IGF1R: variants seen among roughly 807,000 people sequenced by gnomAD.
IGF1R encodes the protein insulin like growth factor 1 receptor.
A neutral mutation model predicts 144.6 loss-of-function variants in IGF1R; 44 were observed. The ratio of observed to expected loss-of-function variants is 0.30; its 90% confidence interval spans 0.24 to 0.39. IGF1R has a LOEUF of 0.39. IGF1R is among the 10% of genes least tolerant of loss of function. IGF1R has a pLI of 1.00. For missense variants in IGF1R, 1,355 were observed against 1,833.7 expected, an observed-to-expected ratio of 0.74 and a Z score of 4.77; for synonymous variants, 795 against 722.8, an observed-to-expected ratio of 1.10 and a Z score of -1.60.
chr15:98,877,076 A>G (rs2013096396), intron 2 of IGF1R, among the ~76,000 whole-genome samples: 1 of 152,228 alleles, frequency 6.6e-6, no homozygotes, highest in African/African-American at 2.4e-5. Context: ...GAAGCTGGAA[A>G]GATAAGAAAT....
At chr15:98,827,327 C>T (rs1161589416) in intron 2 of IGF1R, among the ~76,000 whole-genome samples, 2 of 152,206 alleles carry the variant, frequency 1.3e-5, no homozygotes, top group Admixed American at 6.5e-5. Context: ...ACCTCGTTCA[C>T]ATGCCGTTTG....
chr15:98,739,460 A>G (rs2054687324), intron 2 of IGF1R, among the ~76,000 whole-genome samples: 1 of 152,080 alleles, frequency 6.6e-6, no homozygotes, highest in Non-Finnish European at 1.5e-5. Context: ...CAAACTGATC[A>G]AATGTTATGT....
intron 2 of IGF1R, among the ~76,000 whole-genome samples, chr15:98,807,860 T>C (rs1026591575): frequency 7.9e-5 from 12 of 152,266 alleles, no homozygotes; most frequent in Non-Finnish European, 1.5e-4. Context: ...GAGGAAACAA[T>C]AGCAGCTGTA....
chr15:98,765,308 CTTTTTTTT>C (rs139280569), intron 2 of IGF1R, among the ~76,000 whole-genome samples: 40 of 61,818 alleles, frequency 6.5e-4, no homozygotes, highest in East Asian at 2.7e-3. Context: ...ATGCCAACAC[CTTTTTTTT>C]TTTTTTTTTT....
At chr15:98,705,094 T>G (rs1172257720) in intron 1 of IGF1R, among the ~76,000 whole-genome samples, 1 of 152,202 alleles carries the variant, frequency 6.6e-6, no homozygotes, top group East Asian at 1.9e-4. Context: ...GACATGAATT[T>G]GATCATATCT....
At chr15:98,681,019 G>A (rs143429146) in intron 1 of IGF1R, among the ~76,000 whole-genome samples, 1 of 152,280 alleles carries the variant, frequency 6.6e-6, no homozygotes, top group East Asian at 1.9e-4. Flanking sequence ...TAGCCTAGGA[G>A]TAATAGGCTA....
chr15:98,882,203 A>G (rs751712282), intron 2 of IGF1R, among the ~76,000 whole-genome samples: 13 of 152,224 alleles, frequency 8.5e-5, no homozygotes, highest in Non-Finnish European at 1.8e-4. Flanking sequence ...GGAAGCCGTG[A>G]CCGTCATCTT....
At chr15:98,812,337 ATTG>A (rs1308292178) in intron 2 of IGF1R, among the ~76,000 whole-genome samples, 25 of 146,374 alleles carry the variant, frequency 1.7e-4, no homozygotes, top group African/African-American at 5.5e-4. Flanking sequence ...TTATTTTTAC[ATTG>A]TTGTTGTTCT....
intron 2 of IGF1R, among the ~76,000 whole-genome samples, chr15:98,805,979 C>T (rs776740286): frequency 3.3e-5 from 5 of 152,124 alleles, no homozygotes; most frequent in Non-Finnish European, 7.4e-5. Context: ...GCTGCAGATG[C>T]GAGTAGCAGG....
At chr15:98,897,922 A>AT (rs1287864748) in intron 4 of IGF1R, among the ~76,000 whole-genome samples, 2 of 132,830 alleles carry the variant, frequency 1.5e-5, no homozygotes, top group African/African-American at 5.4e-5. Context: ...TTTTATGAAG[A>AT]ATTTTTTTTT....
chr15:98,959,241 C>T lies in IGF1R; in HGVS notation c.*1799C>T, dbSNP rs377247844. The stretch of plus-strand genomic sequence containing the variant: ...TCTTGGGTACAACAGCAGTGTTAAC[C>T]GCAGACACTAGGCATTTGGATTACT... On this transcript the variant is annotated 3_prime_UTR_variant, in exon 21 of 21. Coordinates refer to ENST00000650285, the MANE Select transcript of IGF1R (RefSeq NM_000875.5). 73 of 233,550 alleles carry T rather than the reference C, an allele frequency of 3.1e-4. No individual in the cohort carries two copies. Among genetic ancestry groups the T allele is most frequent in the Non-Finnish European group, 4.3e-4 (51 of 117,962 alleles). 14.5% of individuals were successfully genotyped at this position (233,550 alleles called of 1,614,324 possible).
chr15:98,838,538 C>T (rs2011125345), intron 2 of IGF1R, among the ~76,000 whole-genome samples: 1 of 152,220 alleles, frequency 6.6e-6, no homozygotes, highest in Non-Finnish European at 1.5e-5. Flanking sequence ...GAAGGCTCCT[C>T]TTTGAAGACA....
intron 2 of IGF1R, among the ~76,000 whole-genome samples, chr15:98,868,710 A>G (rs780936745): frequency 7.2e-4 from 110 of 152,180 alleles, no homozygotes; most frequent in Non-Finnish European, 1.4e-3. Context: ...CTGGTTCTGA[A>G]GATGGGAACG....
chr15:98,824,391 C>T (rs2141485339), intron 2 of IGF1R: 1 of 152,458 alleles, frequency 6.6e-6, no homozygotes, highest in East Asian at 1.9e-4. Flanking sequence ...TCGGTCTCAC[C>T]TTCAGCTTTT....
chr15:98,732,981 AAGG>A (rs1010371662), intron 2 of IGF1R, among the ~76,000 whole-genome samples: 1 of 152,150 alleles, frequency 6.6e-6, no homozygotes, highest in Non-Finnish European at 1.5e-5. Flanking sequence ...AGTTAAAAGA[AAGG>A]AGCACCCCTC....
In IGF1R at chr15:98,962,883, G is replaced by T; in HGVS notation, c.*5441G>T. On this transcript the variant is annotated 3_prime_UTR_variant, in exon 21 of 21. Coordinates refer to ENST00000650285, the MANE Select transcript of IGF1R (RefSeq NM_000875.5). ...AACACAAACTACATCGCACTCGTCA[G>T]TTGTCAGTTCTGGGGCATGACTTTA... 1 of 233,750 alleles carries T rather than the reference G, an allele frequency of 4.3e-6. No individual in the cohort carries two copies. Among genetic ancestry groups the T allele is most frequent in the Non-Finnish European group, 8.5e-6 (1 of 118,064 alleles). The allele number at this position is 233,750 out of a possible 1,614,324, so 14.5% of individuals were successfully genotyped here.
At chr15:98,719,774 T>TG (rs1172664040) in intron 2 of IGF1R, among the ~76,000 whole-genome samples, 1 of 152,116 alleles carries the variant, frequency 6.6e-6, no homozygotes, top group Non-Finnish European at 1.5e-5. Context: ...TGCTTTAGGG[T>TG]GGGGGGACTT....
chr15:98,833,122 T>A (rs1212659346), intron 2 of IGF1R, among the ~76,000 whole-genome samples: 1 of 152,208 alleles, frequency 6.6e-6, no homozygotes, highest in Admixed American at 6.5e-5. Flanking sequence ...TACCCTCTCC[T>A]GAACTTCAAT....
chr15:98,914,142 G>A (rs960631138), intron 8 of IGF1R, among the ~76,000 whole-genome samples: 85 of 152,248 alleles, frequency 5.6e-4, no homozygotes, highest in African/African-American at 1.9e-3. Context: ...AGCACTCTCC[G>A]GGGCCTCTCA....
Sources: gnomAD v4.1 joint callset for allele counts (sites outside exome capture counted in the v4.1 genomes callset) on GRCh38, gnomAD v4.1.1 for gene constraint, MANE v1.5 for transcripts, NCBI Gene and HGNC (gene_info 2026-07-23, HGNC 2026-07-21) for gene names.